The following EEFSEC variants were observed in gnomAD, a reference collection of about 807,000 sequenced individuals.
EEFSEC encodes the protein eukaryotic elongation factor, selenocysteine-tRNA specific, also known as selenocysteine-specific elongation factor.
In EEFSEC, 43 loss-of-function variants were observed where a neutral mutation model predicts 42.1. That is an observed-to-expected ratio of 1.02 (90% CI 0.80 to 1.32). EEFSEC has a LOEUF of 1.32. EEFSEC is among the 40% of genes most tolerant of loss of function. The pLI is 0.00. For missense variants in EEFSEC, 745 were observed against 803.6 expected, an observed-to-expected ratio of 0.93 and a Z score of 0.88; for synonymous variants, 354 against 339.1, an observed-to-expected ratio of 1.04 and a Z score of -0.48.
chr3:128,301,186 G>A (rs2108003551), intron 4 of EEFSEC, among the ~76,000 whole-genome samples: 1 of 152,308 alleles, frequency 6.6e-6, no homozygotes, highest in East Asian at 1.9e-4. Flanking sequence ...TCTTTGCTGA[G>A]TTGAAGCAGC....
intron 3 of EEFSEC, among the ~76,000 whole-genome samples, chr3:128,262,941 T>G (rs988344176): frequency 1.3e-5 from 2 of 152,108 alleles, no homozygotes; most frequent in African/African-American, 4.8e-5. Context: ...GGCTGGACTG[T>G]GGTTCAGGGG....
intron 6 of EEFSEC, among the ~76,000 whole-genome samples, chr3:128,403,543 G>A (rs948881849): frequency 2.0e-5 from 3 of 152,166 alleles, no homozygotes; most frequent in Non-Finnish European, 2.9e-5. Flanking sequence ...CCTTGTCACC[G>A]CCTTCCCGCG....
chr3:128,275,662 A>G (rs1411593824), intron 4 of EEFSEC, among the ~76,000 whole-genome samples: 2 of 152,212 alleles, frequency 1.3e-5, no homozygotes, highest in Non-Finnish European at 2.9e-5. Context: ...AGGCAAGGCG[A>G]CTGAAGCTGA....
intron 1 of EEFSEC, among the ~76,000 whole-genome samples, chr3:128,176,517 TTTGC>T (rs1164445909): frequency 2.0e-5 from 3 of 152,128 alleles, no homozygotes; most frequent in Non-Finnish European, 2.9e-5. Flanking sequence ...TTGTTTTATG[TTTGC>T]ACACTGATAG....
chr3:128,230,850 T>C (rs2065952882), intron 1 of EEFSEC, among the ~76,000 whole-genome samples: 1 of 152,176 alleles, frequency 6.6e-6, no homozygotes, highest in Non-Finnish European at 1.5e-5. Context: ...TCAGTAGGCA[T>C]GCCCTGAAAT....
chr3:128,178,479 G>A (rs1036349611), intron 1 of EEFSEC, among the ~76,000 whole-genome samples: 5 of 152,130 alleles, frequency 3.3e-5, no homozygotes, highest in Non-Finnish European at 7.4e-5. Context: ...TGCTACCATT[G>A]TGTTTAGACT....
rs537619236 is a variant in EEFSEC at position 128,244,734 on chromosome 3, C to T, written c.317-2102C>T. Among the ~76,000 whole-genome samples, 4 of 152,156 alleles carry T rather than the reference C, an allele frequency of 2.6e-5. No individual in the cohort carries two copies. In the South Asian group the frequency reaches 6.2e-4, roughly 24 times the overall value. ...TCCCTCAGAGATATTTTATGTGTGT[C>T]GAAGCAAATACTTATGCAGTATGTG... On this transcript the variant is annotated intron_variant, in intron 1 of 6. Transcript: ENST00000254730.
intron 5 of EEFSEC, among the ~76,000 whole-genome samples, chr3:128,348,707 A>G (rs2067346166): frequency 6.6e-6 from 1 of 152,208 alleles, no homozygotes; most frequent in South Asian, 2.1e-4. Flanking sequence ...ATATTAGGTA[A>G]ATAGTAGGTC....
At chr3:128,197,473 A>G (rs915424193) in intron 1 of EEFSEC, among the ~76,000 whole-genome samples, 7 of 152,114 alleles carry the variant, frequency 4.6e-5, no homozygotes, top group African/African-American at 1.7e-4. Flanking sequence ...GGGTTTCACC[A>G]TATTGGCCAG....
intron 4 of EEFSEC, among the ~76,000 whole-genome samples, chr3:128,309,388 T>C (rs1426741746): frequency 6.6e-6 from 1 of 152,068 alleles, no homozygotes; most frequent in African/African-American, 2.4e-5. Context: ...TCAAGGATAA[T>C]GTCCTTTCTG....
intron 6 of EEFSEC, among the ~76,000 whole-genome samples, chr3:128,392,377 G>T (rs1459767775): frequency 6.6e-6 from 1 of 152,220 alleles, no homozygotes; most frequent in Non-Finnish European, 1.5e-5. Context: ...GGTTCCACAT[G>T]TGGGCCCTGC....
At chr3:128,332,165 T>C (rs909831162) in intron 4 of EEFSEC, among the ~76,000 whole-genome samples, 1 of 152,174 alleles carries the variant, frequency 6.6e-6, no homozygotes, top group African/African-American at 2.4e-5. Flanking sequence ...ACATGTTATA[T>C]ACACACACAT....
intron 4 of EEFSEC, among the ~76,000 whole-genome samples, chr3:128,272,122 T>C (rs2066419867): frequency 6.6e-6 from 1 of 152,206 alleles, no homozygotes; most frequent in Non-Finnish European, 1.5e-5. Flanking sequence ...CTCTGCCCTG[T>C]CGTGTGTGGG....
chr3:128,175,758 C>T (rs1314101731), intron 1 of EEFSEC, among the ~76,000 whole-genome samples: 1 of 152,220 alleles, frequency 6.6e-6, no homozygotes, highest in East Asian at 1.9e-4. Context: ...GGAGGGAGAA[C>T]ATGGGTTTAG....
chr3:128,202,069 C>T (rs765751679), intron 1 of EEFSEC, among the ~76,000 whole-genome samples: 5 of 152,178 alleles, frequency 3.3e-5, no homozygotes, highest in African/African-American at 7.2e-5. Context: ...ACACCAATAT[C>T]GCACTGTCTT....
intron 1 of EEFSEC, 134 bp downstream of exon 1, chr3:128,153,957 A>G (rs1012474665): frequency 2.3e-5 from 30 of 1,301,392 alleles, no homozygotes; most frequent in Non-Finnish European, 3.0e-5. Context: ...TGACGCCCCA[A>G]GAGGCGGACG....
At chr3:128,288,061 T>TAA (rs1397750378) in intron 4 of EEFSEC, among the ~76,000 whole-genome samples, 2 of 150,772 alleles carry the variant, frequency 1.3e-5, no homozygotes, top group Non-Finnish European at 2.9e-5. Context: ...ATAATACAGG[T>TAA]ACGCCATCAT....
intron 1 of EEFSEC, among the ~76,000 whole-genome samples, chr3:128,218,020 G>A (rs1017512988): frequency 6.6e-5 from 10 of 152,198 alleles, no homozygotes; most frequent in African/African-American, 2.2e-4. Context: ...GAGAGTGTGT[G>A]TTGGAATCCA....
intron 6 of EEFSEC, among the ~76,000 whole-genome samples, chr3:128,358,606 G>A (rs2067487835): frequency 6.6e-6 from 1 of 152,162 alleles, no homozygotes; most frequent in Non-Finnish European, 1.5e-5. Context: ...CAAGATTGGA[G>A]TCTGAGTTCC....
Sources: gnomAD v4.1 joint callset for allele counts (sites outside exome capture counted in the v4.1 genomes callset) on GRCh38, gnomAD v4.1.1 for gene constraint, MANE v1.5 for transcripts, NCBI Gene and HGNC (gene_info 2026-07-23, HGNC 2026-07-21) for gene names.